The following SORCS2 variants were observed in gnomAD, a reference collection of about 807,000 sequenced individuals.
SORCS2 encodes VPS10 domain-containing receptor SorCS2.
Under a neutral mutation model 141.6 loss-of-function variants are expected in SORCS2, and 100 were observed. The observed-to-expected ratio is 0.71, with a 90% CI of 0.60 to 0.83. SORCS2 has a LOEUF of 0.83. SORCS2 is among the 40% of genes least tolerant of loss of function. SORCS2 has a pLI of 0.00. For missense variants in SORCS2, 1,646 were observed against 1,560.2 expected (o/e 1.05, Z -0.93); for synonymous variants, 789 against 676.9 (o/e 1.17, Z -2.57).
intron 1 of SORCS2, among the ~76,000 whole-genome samples, chr4:7,295,105 C>A (rs1475168906): frequency 9.3e-5 from 1 of 10,798 alleles, no homozygotes; most frequent in Non-Finnish European, 2.0e-4. Flanking sequence ...TCCCCAGCTC[C>A]TTCCTCTCCC....
chr4:7,564,700 G>C (rs182342061), intron 3 of SORCS2, among the ~76,000 whole-genome samples: 89 of 152,298 alleles, frequency 5.8e-4, no homozygotes, highest in Admixed American at 1.4e-3. Flanking sequence ...ATCCATCCCA[G>C]TTTTCATGCT....
At chr4:7,242,333 T>G (rs1219166894) in intron 1 of SORCS2, among the ~76,000 whole-genome samples, 2 of 152,104 alleles carry the variant, frequency 1.3e-5, no homozygotes, top group Admixed American at 1.3e-4. Flanking sequence ...TAGCTGCAAC[T>G]ACAGGCATGC....
chr4:7,414,029 A>G (rs764360256), intron 2 of SORCS2, among the ~76,000 whole-genome samples: 9 of 152,208 alleles, frequency 5.9e-5, no homozygotes, highest in Non-Finnish European at 1.2e-4. Flanking sequence ...AGAGGTAGTA[A>G]GATACATGTG....
rs78442303 is a variant in SORCS2 at position 7,257,396 on chromosome 4, G to A, written c.480+64270G>A. 1.4e-4 allele frequency among the ~76,000 whole-genome samples: 22 copies of A among 152,126 alleles called. No individual in the cohort carries two copies. In the East Asian group the frequency reaches 3.1e-3, roughly 21 times the overall value. On this transcript the variant is annotated intron_variant, in intron 1 of 26. Transcript: ENST00000507866. ...GGGTGGTGGGGGTGGGGAACTCCCC[G>A]GGGCTCCAAGAGAAACCAGTGTAAG...
intron 1 of SORCS2, among the ~76,000 whole-genome samples, chr4:7,258,048 G>A (rs1268285082): frequency 6.6e-6 from 1 of 152,240 alleles, no homozygotes; most frequent in Non-Finnish European, 1.5e-5. Flanking sequence ...AGTGTTGGGG[G>A]AGTGGTGGCT....
chr4:7,724,152 T>C (rs1726826491), intron 19 of SORCS2, among the ~76,000 whole-genome samples: 1 of 148,772 alleles, frequency 6.7e-6, no homozygotes, highest in Admixed American at 6.7e-5. Flanking sequence ...ATGGTCGTGG[T>C]GGTGGTGGTG....
At chr4:7,221,580 G>A (rs930725540) in intron 1 of SORCS2, among the ~76,000 whole-genome samples, 3 of 152,240 alleles carry the variant, frequency 2.0e-5, no homozygotes, top group African/African-American at 7.2e-5. Context: ...GTGGAGCAGT[G>A]GTTTGGCAAA....
At chr4:7,520,845 G>A (rs1367715997) in intron 2 of SORCS2, among the ~76,000 whole-genome samples, 1 of 152,184 alleles carries the variant, frequency 6.6e-6, no homozygotes. Context: ...GCACTGGGTC[G>A]GGCTGCAGTC....
At chr4:7,562,665 C>G (rs1714686244) in intron 3 of SORCS2, among the ~76,000 whole-genome samples, 1 of 152,178 alleles carries the variant, frequency 6.6e-6, no homozygotes, top group African/African-American at 2.4e-5. Flanking sequence ...CTTAAAGTAA[C>G]AGAAACGTAT....
intron 1 of SORCS2, among the ~76,000 whole-genome samples, chr4:7,228,688 T>C (rs576741818): frequency 5.9e-5 from 9 of 152,216 alleles, no homozygotes; most frequent in Non-Finnish European, 8.8e-5. Context: ...CTGGATCCAC[T>C]TCAGGACCCG....
Position 7,227,766 on chromosome 4 carries a change from C to T in SORCS2, c.480+34640C>T, listed in dbSNP as rs74370621. ...AGCAGTGAAACCAAACCCTCTGGGT[C>T]CTCAGGCAGAGCGGCTAAACGCAGT... On this transcript the variant is annotated intron_variant, in intron 1 of 26. Transcript: ENST00000507866. Among the ~76,000 whole-genome samples the T allele has an allele frequency of 5.8e-3, 876 of 152,342 alleles. 6 individuals are homozygous for T. The highest frequency in any genetic ancestry group is 0.02 in the African/African-American group (834 of 41,584).
chr4:7,522,963 C>T (rs1195512711), intron 2 of SORCS2, among the ~76,000 whole-genome samples: 1 of 118,856 alleles, frequency 8.4e-6, no homozygotes, highest in Non-Finnish European at 1.7e-5. Flanking sequence ...TCCCCTTCTC[C>T]CTTTTTCCCT....
At chr4:7,733,960 G>T (rs1347421510) in intron 24 of SORCS2, among the ~76,000 whole-genome samples, 1 of 152,152 alleles carries the variant, frequency 6.6e-6, no homozygotes, top group Non-Finnish European at 1.5e-5. Flanking sequence ...CCGGCCACGG[G>T]CATGGAACAG....
chr4:7,400,977 GGATA>G (rs1016080948), intron 2 of SORCS2, among the ~76,000 whole-genome samples: 2 of 152,000 alleles, frequency 1.3e-5, no homozygotes, highest in African/African-American at 4.8e-5. Context: ...ATGGATGAAT[GGATA>G]GATGAATGAA....
intron 2 of SORCS2, among the ~76,000 whole-genome samples, chr4:7,466,471 G>A (rs1328619360): frequency 6.6e-6 from 1 of 152,218 alleles, no homozygotes; most frequent in East Asian, 1.9e-4. Flanking sequence ...GGGGTGCATG[G>A]AGAGAAGCAG....
intron 2 of SORCS2, among the ~76,000 whole-genome samples, chr4:7,525,849 G>GCCGTCACCTGTCCCCTCCT (rs1733646277): frequency 1.9e-5 from 1 of 51,660 alleles, no homozygotes; most frequent in Non-Finnish European, 3.5e-5. Flanking sequence ...GGGCCCTCCT[G>GCCGTCACCTGTCCCCTCCT]CAGTCACCTG....
intron 2 of SORCS2, among the ~76,000 whole-genome samples, chr4:7,479,368 C>A (rs536169882): frequency 6.6e-6 from 1 of 152,250 alleles, no homozygotes; most frequent in South Asian, 2.1e-4. Flanking sequence ...CTCCAGAGGC[C>A]AAGCTGAGAC....
chr4:7,339,365 A>G (rs1720228580), intron 1 of SORCS2, among the ~76,000 whole-genome samples: 2 of 152,224 alleles, frequency 1.3e-5, no homozygotes, highest in South Asian at 4.1e-4. Flanking sequence ...GGAAAGTTGT[A>G]TGAGTCAGCC....
At position 7,373,997 on chromosome 4, in the gene SORCS2, G is replaced by T. The variant is rs192739870; in HGVS notation, c.481-22291G>T. On this transcript the variant is annotated intron_variant, in intron 1 of 26. Transcript: ENST00000507866. ...TCTTTGACTAATCCAAAGGCACAAA[G>T]ATTTCTTCCCCCTTGTTTTCTTCTA... Among the ~76,000 whole-genome samples the T allele has an allele frequency of 2.6e-5, 4 of 152,254 alleles. No individual in the cohort carries two copies. The East Asian group carries it at 7.7e-4, about 29-fold the overall frequency.
Sources: gnomAD v4.1 joint callset for allele counts (sites outside exome capture counted in the v4.1 genomes callset) on GRCh38, gnomAD v4.1.1 for gene constraint, MANE v1.5 for transcripts, NCBI Gene and HGNC (gene_info 2026-07-23, HGNC 2026-07-21) for gene names.